Variants in TRIM29 observed in about 807,000 individuals in gnomAD.
TRIM29 encodes the protein tripartite motif-containing protein 29.
Under a neutral mutation model 57.3 loss-of-function variants are expected in TRIM29, and 52 were observed. The ratio of observed to expected loss-of-function variants is 0.91; its 90% confidence interval spans 0.73 to 1.14. The LOEUF (loss-of-function observed/expected upper bound fraction) is 1.14, where lower values mean the gene tolerates loss of function less well. TRIM29 is among the 50% of genes most tolerant of loss of function. The pLI is 0.00. For missense variants in TRIM29, 753 were observed against 774.6 expected, an observed-to-expected ratio of 0.97 and a Z score of 0.33; for synonymous variants, 319 against 316.9, an observed-to-expected ratio of 1.01 and a Z score of -0.07.
In TRIM29 at chr11:120,127,370, A is replaced by C; in HGVS notation, c.1100T>G (p.Leu367Arg). 1 of 1,614,160 alleles carries C rather than the reference A, an allele frequency of 6.2e-7. No individual in the cohort carries two copies. The highest frequency in any genetic ancestry group is 8.5e-7 in the Non-Finnish European group (1 of 1,180,032). The change falls in exon 3 of 9, where the codon CTG becomes CGG. Residue 367 changes from leucine (L) to arginine (R), a missense_variant. By Grantham distance (102) the Leu-to-Arg change is moderately radical. Transcript: ENST00000341846. ...CAACACAGAGTCGCTGATGCTATGC[A>C]GCTGCTCCCGGGTCTGCTTGTCCTC... ...LHEDKQTREQ[L>R]HSISDSVLFL...
chr11:120,113,092 G>A (rs1043781723), intron 8 of TRIM29, among the ~76,000 whole-genome samples: 3 of 151,970 alleles, frequency 2.0e-5, no homozygotes, highest in African/African-American at 4.8e-5. Context: ...GATTTTCTTT[G>A]CCTCTCTCTG....
chr11:120,124,935 T>G (rs1018526333), intron 4 of TRIM29: 1 of 152,214 alleles, frequency 6.6e-6, no homozygotes, highest in African/African-American at 2.4e-5. Context: ...TAGCAGTCAT[T>G]AACAAGGCTG....
chr11:120,113,486 T>C (rs1389195343), intron 8 of TRIM29: 5 of 370,280 alleles, frequency 1.4e-5, no homozygotes, highest in Non-Finnish European at 2.7e-5. Flanking sequence ...CCCACTCCCA[T>C]GCCCTGCAGA....
At chr11:120,115,627 CAGA>C in intron 7 of TRIM29, 1 of 567,846 alleles carries the variant, frequency 1.8e-6, no homozygotes, top group South Asian at 2.0e-5. Flanking sequence ...GCAAAGCAGA[CAGA>C]AGGAGGAGGA....
chr11:120,120,643 C>T lies in TRIM29; in HGVS notation c.1458G>A (p.Gln486=). ...TGGTGAAGCGGCCAGGAGACGAGGG[C>T]TGGTATGATGTCCGGACCCCACCTG... ...TPKGGVRTSY[Q]PSSPGRFTKE... The change falls in exon 6 of 9, where the codon CAG becomes CAA. Residue 486 remains glutamine (Q), a synonymous_variant. Transcript: ENST00000341846. The T allele has an allele frequency of 6.2e-7, 1 of 1,613,894 alleles. No homozygotes were observed. Among genetic ancestry groups the T allele is most frequent in the South Asian group, 1.1e-5 (1 of 91,018 alleles).
intron 1 of TRIM29, among the ~76,000 whole-genome samples, chr11:120,136,444 C>G (rs533657834): frequency 6.6e-6 from 1 of 152,286 alleles, no homozygotes; most frequent in African/African-American, 2.4e-5. Context: ...TCAAACCATC[C>G]TAAGTCAGGG....
intron 1 of TRIM29, among the ~76,000 whole-genome samples, chr11:120,130,164 T>C (rs501021): frequency 0.88 from 133,829 of 151,670 alleles, 59,166 homozygotes; most frequent in African/African-American, 0.92. Flanking sequence ...CAAAGGCCTC[T>C]TAGGAGGCTG....
chr11:120,125,696 T>C lies in TRIM29; in HGVS notation c.1328A>G (p.Glu443Gly). The C allele has an allele frequency of 6.2e-7, 1 of 1,614,138 alleles. No individual in the cohort carries two copies. Among genetic ancestry groups the C allele is most frequent in the South Asian group, 1.1e-5 (1 of 91,066 alleles). Reference protein sequence around the residue: ...SRNFIERNHMENGGDHRYVNN... With the variant: ...SRNFIERNHMGNGGDHRYVNN... ...AGCCACGAGAGGGGACCTACCGTTC[T>C]CCATGTGGTTCCTCTCAATGAAGTT... Residue 443 changes from glutamate (E) to glycine (G), a missense_variant, in exon 4 of 9, where the codon GAG (glutamate) becomes GGG (glycine). By Grantham distance (98) the Glu-to-Gly change is moderately conservative. Transcript: ENST00000341846.
chr11:120,128,656 T>G (rs1424814363), intron 1 of TRIM29, 161 bp from the exon 2 acceptor site: 14 of 1,532,002 alleles, frequency 9.1e-6, no homozygotes, highest in African/African-American at 1.4e-5. Flanking sequence ...ACCTCGGATA[T>G]GCCAGGCACC....
chr11:120,118,110 T>C, intron 7 of TRIM29, 113 bp downstream of exon 7: 1 of 994,260 alleles, frequency 1.0e-6, no homozygotes, highest in East Asian at 2.6e-5. Flanking sequence ...GCCAGGCCTC[T>C]CTCCTCCACG....
intron 1 of TRIM29, among the ~76,000 whole-genome samples, chr11:120,129,681 C>T (rs935753182): frequency 1.4e-4 from 21 of 151,712 alleles, no homozygotes; most frequent in Non-Finnish European, 2.7e-4. Context: ...AGGGGACCTC[C>T]TGCAGGCACC....
intron 1 of TRIM29, chr11:120,128,950 C>G (rs1162584604): frequency 1.5e-6 from 2 of 1,339,286 alleles, no homozygotes; most frequent in Non-Finnish European, 1.9e-6. Flanking sequence ...TATGGCATGA[C>G]GTAGGGCTGT....
intron 3 of TRIM29, among the ~76,000 whole-genome samples, chr11:120,127,085 T>C (rs188573926): frequency 1.3e-5 from 2 of 152,320 alleles, no homozygotes; most frequent in African/African-American, 2.4e-5. Flanking sequence ...CAATTGAAGT[T>C]GGTAAAAGGT....
At chr11:120,115,623 C>G in intron 7 of TRIM29, 1 of 571,282 alleles carries the variant, frequency 1.8e-6, no homozygotes, top group South Asian at 2.0e-5. Context: ...GGCAGCAAAG[C>G]AGACAGAAGG....
At chr11:120,128,675 C>T (rs543125655) in intron 1 of TRIM29, 180 bp from the exon 2 acceptor site, 19 of 1,533,764 alleles carry the variant, frequency 1.2e-5, no homozygotes, top group South Asian at 1.2e-4. Context: ...CCATGCCAGT[C>T]GCCAAGGATC....
intron 7 of TRIM29, chr11:120,115,810 T>G: frequency 4.7e-6 from 1 of 211,384 alleles, no homozygotes; most frequent in Non-Finnish European, 9.6e-6. Context: ...CTGCCAGAGT[T>G]TCCCGGCAGG....
At chr11:120,123,240 T>C (rs1863506308) in intron 4 of TRIM29, 185 bp from the exon 5 acceptor site, 2 of 699,222 alleles carry the variant, frequency 2.9e-6, no homozygotes, top group Non-Finnish European at 5.2e-6. Context: ...TCCTGAGCTC[T>C]TGGTGGAGAA....
At chr11:120,118,358 C>T in intron 6 of TRIM29, 37 bp from the exon 7 acceptor site, 1 of 1,545,866 alleles carries the variant, frequency 6.5e-7, no homozygotes, top group South Asian at 1.2e-5. Context: ...GCCCCCACAG[C>T]TGGGAGTGGG....
intron 4 of TRIM29, chr11:120,123,852 G>C (rs535041855): frequency 6.5e-4 from 173 of 266,682 alleles, no homozygotes; most frequent in South Asian, 5.2e-3. Context: ...ATAAACAAAT[G>C]CCCTCCTAGG....
Sources: allele counts gnomAD v4.1 joint callset (sites outside exome capture counted in the v4.1 genomes callset), GRCh38; gene constraint gnomAD v4.1.1; transcripts MANE v1.5; gene names NCBI Gene and HGNC (gene_info 2026-07-23, HGNC 2026-07-21).